HNRNPU: variants seen among roughly 807,000 people sequenced by gnomAD.
HNRNPU encodes heterogeneous nuclear ribonucleoprotein U.
In HNRNPU, 5 loss-of-function variants were observed where a neutral mutation model predicts 94.7. The ratio of observed to expected loss-of-function variants is 0.05; its 90% CI spans 0.03 to 0.11. The LOEUF (loss-of-function observed/expected upper bound fraction) is 0.11, where lower values mean the gene tolerates loss of function less well. HNRNPU is among the 10% of genes least tolerant of loss of function. The pLI is 1.00. For synonymous variants in HNRNPU, 434 were observed against 381.6 expected (o/e 1.14, Z -1.60); for missense variants, 710 against 1,049.2 (o/e 0.68, Z 4.47).
In HNRNPU at chr1:244,864,038, T is replaced by TTCCTCTTCCTCC; in HGVS notation, c.258_269dup (p.Glu91_Glu94dup). ...GAGCGGAGATTCCTTCCTCCTCCTC[T>TTCCTCTTCCTCC]TCCTCTTCCTCCTCCTCTTCATCGC... is the stretch of plus-strand genomic sequence containing the variant. On this transcript the variant is annotated inframe_insertion, in exon 1 of 14. Transcript: ENST00000640218. 1 of 1,610,152 alleles carries TTCCTCTTCCTCC rather than the reference T, an allele frequency of 6.2e-7. No homozygotes were observed.
rs951251466 is a variant in HNRNPU, at chr1:244,852,821, A to G, written c.*1629T>C. On this transcript the variant is annotated 3_prime_UTR_variant, in exon 14 of 14. Transcript: ENST00000640218. ...CCTAAACTTACCAAAGCAACCTAAA[A>G]ACACCAAGGAAACGCTAGACTGAAG... The G allele has an allele frequency of 6.6e-6, 1 of 152,556 alleles. No homozygotes were observed. Among genetic ancestry groups the G allele is most frequent in the African/African-American group, 2.4e-5 (1 of 41,452 alleles). The allele number at this position is 152,556 out of a possible 1,614,324, so 9.5% of individuals were successfully genotyped here.
chr1:244,852,628 T>C lies in HNRNPU; in HGVS notation c.*1822A>G, dbSNP rs929774440. ...TGACACTATCTTCAACTGTTAAATA[T>C]CTTATGTTAACTAAGGATTTGCCTG... On this transcript the variant is annotated 3_prime_UTR_variant, in exon 14 of 14. Transcript: ENST00000640218. 1 of 152,192 alleles carries C rather than the reference T, an allele frequency of 6.6e-6. No individual in the cohort carries two copies. The highest frequency in any genetic ancestry group is 6.5e-5 in the Admixed American group (1 of 15,276). The allele number at this position is 152,192 out of a possible 1,614,324, so 9.4% of individuals were successfully genotyped here.
intron 4 of HNRNPU, 71 bp from the exon 5 acceptor site, chr1:244,859,445 A>G: frequency 1.3e-6 from 1 of 747,332 alleles, no homozygotes; most frequent in Admixed American, 2.0e-5. Flanking sequence ...CGCATATTTC[A>G]TTGCGCCACG....
chr1:244,857,981 G>A, intron 7 of HNRNPU, 30 bp downstream of exon 7: 1 of 1,561,256 alleles, frequency 6.4e-7, no homozygotes, highest in East Asian at 2.2e-5. Context: ...ATATTCAAAT[G>A]CCACAGTTAA....
chr1:244,853,174 TA>T lies in HNRNPU; in HGVS notation c.*1275del, dbSNP rs1415568780. 1.3e-5 allele frequency: 2 copies of T among 152,566 alleles called. No individual in the cohort carries two copies. The highest frequency in any genetic ancestry group is 4.8e-5 in the African/African-American group (2 of 41,436). The allele number at this position is 152,566 out of a possible 1,614,324, so 9.5% of individuals were successfully genotyped here. On this transcript the variant is annotated 3_prime_UTR_variant, in exon 14 of 14. Transcript: ENST00000640218. ...TACCTTTTCCCCTCATTAAATATGT[TA>T]AAAGTTGTCTGGGGGGGAGGGGAAG...
rs775590959 is a variant in HNRNPU, at chr1:244,862,743, C to G, written c.692-13G>C. 1.3e-6 allele frequency: 2 copies of G among 1,598,798 alleles called. No individual in the cohort carries two copies. Among genetic ancestry groups the G allele is most frequent in the Non-Finnish European group, 1.7e-6 (2 of 1,166,134 alleles). On this transcript the variant is annotated splice_polypyrimidine_tract_variant and intron_variant, in intron 1 of 13. Coordinates refer to ENST00000640218, the MANE Select transcript of HNRNPU (RefSeq NM_031844.3). ...GTTTTGCCGTCCCCTAAAACACACA[C>G]GAGCCCCATAAAGGCCAAGCCTCTA...
At position 244,854,507 on chromosome 1, in the gene HNRNPU, TA is replaced by T; in HGVS notation, c.2425-5del. 6.2e-7 allele frequency: 1 copy of T among 1,600,486 alleles called. No individual in the cohort carries two copies. Among genetic ancestry groups the T allele is most frequent in the Non-Finnish European group, 8.6e-7 (1 of 1,168,544 alleles). On this transcript the variant is annotated splice_region_variant and splice_polypyrimidine_tract_variant and intron_variant, in intron 13 of 13. Transcript: ENST00000640218. ...ATGGCTTCTGACCCCAGAATTGCTGTAAGAGAAAATTTTGTTTTTAAAGAAA... is the reference window on the plus strand; with the variant it reads ...ATGGCTTCTGACCCCAGAATTGCTGTAGAGAAAATTTTGTTTTTAAAGAAA...
In HNRNPU at chr1:244,864,382, TGCGGCTGCTCCTCGGCCCGGGCG is replaced by T. The variant is rs1014992472; in HGVS notation, c.-98_-76del. 421 of 1,582,804 alleles carry T rather than the reference TGCGGCTGCTCCTCGGCCCGGGCG, an allele frequency of 2.7e-4. 2 individuals carry two copies. The highest frequency in any genetic ancestry group is 4.4e-5 in the Non-Finnish European group (51 of 1,169,070). ...TCACTCGGCCACTGGTGGCGGCTGCTGCGGCTGCTCCTCGGCCCGGGCGGCGGCTGCGGCTGCGGCTGGAGATG... is the reference window on the plus strand; with the variant it reads ...TCACTCGGCCACTGGTGGCGGCTGCTGCGGCTGCGGCTGCGGCTGGAGATG... On this transcript the variant is annotated 5_prime_UTR_variant, in exon 1 of 14. Coordinates refer to ENST00000640218, the MANE Select transcript of HNRNPU (RefSeq NM_031844.3).
At chr1:244,861,222 AAAAT>A (rs1220969233) in intron 3 of HNRNPU, 1 of 152,262 alleles carries the variant, frequency 6.6e-6, no homozygotes, top group Admixed American at 6.5e-5. Context: ...TGATCAGAGA[AAAAT>A]AAATCTACAG....
rs1680730593 is a variant in HNRNPU, at chr1:244,858,209, G to T, written c.1296C>A (p.Phe432Leu). The change falls in exon 7 of 14, where the codon TTC becomes TTA. Residue 432 changes from phenylalanine to leucine, a missense_variant. Physicochemically the swap from Phe to Leu is conservative, Grantham distance 22. Coordinates refer to ENST00000640218, the MANE Select transcript of HNRNPU (RefSeq NM_031844.3). ...CAGCAAGAACTTCCTTACTGATTTT[G>T]AAGGCAACGCCAAGATCTTGTCCAT... ...AKNGQDLGVA[F>L]KISKEVLAGR... The T allele has an allele frequency of 3.1e-6, 5 of 1,614,074 alleles. No individual in the cohort carries two copies. The highest frequency in any genetic ancestry group is 4.2e-6 in the Non-Finnish European group (5 of 1,179,956).
At position 244,864,118 on chromosome 1, in the gene HNRNPU, C is replaced by G; in HGVS notation, c.190G>C (p.Gly64Arg). 2.5e-6 allele frequency: 4 copies of G among 1,597,636 alleles called. No homozygotes were observed. Among genetic ancestry groups the G allele is most frequent in the Non-Finnish European group, 3.4e-6 (4 of 1,172,272 alleles). Residue 64 changes from glycine to arginine, a missense_variant, in exon 1 of 14, where the codon GGG becomes CGG. Coordinates refer to ENST00000640218, the MANE Select transcript of HNRNPU (RefSeq NM_031844.3). ...EPGNGSLDLG[G>R]DSAGRSGAGL... is the part of the protein sequence containing the mutation. The stretch of plus-strand genomic sequence containing the variant: ...GCTCCCGAGCGCCCAGCGGAATCCC[C>G]GCCCAGGTCTAGGCTGCCGTTCCCG...
In HNRNPU at chr1:244,858,227, T is replaced by C. The variant is rs1680731086; in HGVS notation, c.1278A>G (p.Gln426=). 2 of 1,613,994 alleles carry C rather than the reference T, an allele frequency of 1.2e-6. No homozygotes were observed. The change falls in exon 7 of 14, where the codon CAA becomes CAG. Residue 426 remains glutamine (Q), a synonymous_variant. Coordinates refer to ENST00000640218, the MANE Select transcript of HNRNPU (RefSeq NM_031844.3). The part of the protein sequence containing the change: ...EVELSYAKNG[Q]DLGVAFKISK... Reference sequence around the variant, plus strand: ...TGATTTTGAAGGCAACGCCAAGATCTTGTCCATTCTTAGCATACGAGAGTT... The same window carrying C: ...TGATTTTGAAGGCAACGCCAAGATCCTGTCCATTCTTAGCATACGAGAGTT...
Position 244,858,240 on chromosome 1 carries a change from G to C in HNRNPU, c.1265C>G (p.Ala422Gly), listed in dbSNP as rs764293520. 1 of 1,613,980 alleles carries C rather than the reference G, an allele frequency of 6.2e-7. No homozygotes were observed. The highest frequency in any genetic ancestry group is 1.1e-5 in the South Asian group (1 of 91,070). ...AACGCCAAGATCTTGTCCATTCTTA[G>C]CATACGAGAGTTCTACTTCATCACT... ...FESDEVELSY[A>G]KNGQDLGVAF... The change falls in exon 7 of 14, where the codon GCT (alanine) becomes GGT (glycine). Residue 422 changes from alanine (A) to glycine (G), a missense_variant. Transcript: ENST00000640218.
Position 244,856,011 on chromosome 1 carries a change from G to A in HNRNPU, c.2060C>T (p.Ser687Leu), listed in dbSNP as rs762438339. ...LPPEKKQNTGSKKSNKNKSGK... is the reference protein window; with the variant it reads ...LPPEKKQNTGLKKSNKNKSGK... ...ACTCTTATTTTTATTGCTTTTCTTT[G>A]AGCCAGTGTTCTGTTTCTTTTCTGG... The change falls in exon 11 of 14, where the codon TCA (serine) becomes TTA (leucine). Residue 687 changes from serine (S) to leucine (L), a missense_variant. Physicochemically the swap from Ser to Leu is moderately radical, Grantham distance 145 (BLOSUM62 -2). Transcript: ENST00000640218. 1 of 1,613,966 alleles carries A rather than the reference G, an allele frequency of 6.2e-7. No individual in the cohort carries two copies.
chr1:244,854,822 G>T, intron 13 of HNRNPU, 151 bp downstream of exon 13: 1 of 606,614 alleles, frequency 1.6e-6, no homozygotes. Flanking sequence ...TCAAAAGGTA[G>T]ATTATGGCTA....
At chr1:244,862,347 T>C in intron 3 of HNRNPU, 114 bp downstream of exon 3, 1 of 697,010 alleles carries the variant, frequency 1.4e-6, no homozygotes, top group Non-Finnish European at 2.4e-6. Context: ...TCTTCCTGCT[T>C]TTAAAAAAAC....
At chr1:244,855,172 T>C in intron 12 of HNRNPU, 128 bp from the exon 13 acceptor site, 1 of 779,514 alleles carries the variant, frequency 1.3e-6, no homozygotes, top group Non-Finnish European at 2.2e-6. Context: ...AATACACAAA[T>C]TCTGGATACC....
Position 244,863,708 on chromosome 1 carries a change from C to T in HNRNPU, c.600G>A (p.Pro200=), listed in dbSNP as rs1414467757. The change falls in exon 1 of 14, where the codon CCG becomes CCA. Residue 200 remains proline, a synonymous_variant. Transcript: ENST00000640218. ...GCTGCTGGCCCTGCCTCGCCCCGGG[C>T]GGCGCCACCGTCACCGCGAACAGCG... ...PTSLFAVTVA[P]PGARQGQQQA... The T allele has an allele frequency of 5.1e-6, 8 of 1,563,684 alleles. No individual in the cohort carries two copies. The highest frequency in any genetic ancestry group is 1.8e-5 in the Admixed American group (1 of 54,068).
intron 5 of HNRNPU, 181 bp downstream of exon 5, chr1:244,859,094 A>G: frequency 1.7e-6 from 1 of 580,116 alleles, no homozygotes; most frequent in Non-Finnish European, 3.0e-6. Flanking sequence ...ATAAACTTCT[A>G]ATAAAGGAAC....
Sources: allele counts gnomAD v4.1 joint callset, GRCh38; gene constraint gnomAD v4.1.1; transcripts MANE v1.5; gene names NCBI Gene and HGNC (gene_info 2026-07-23, HGNC 2026-07-21).